The following KCNQ1 variants were observed in gnomAD, a reference collection of about 807,000 sequenced individuals.
KCNQ1 encodes potassium voltage-gated channel subfamily KQT member 1.
A neutral mutation model predicts 72.4 loss-of-function variants in KCNQ1; 49 were observed. The observed-to-expected ratio is 0.68, with a 90% CI of 0.54 to 0.86. The LOEUF (loss-of-function observed/expected upper bound fraction) is 0.86, where lower values mean the gene tolerates loss of function less well. KCNQ1 is among the 40% of genes least tolerant of loss of function. KCNQ1 has a pLI of 0.00. For missense variants in KCNQ1, 790 were observed against 945.1 expected (o/e 0.84, Z 2.15); for synonymous variants, 450 against 412.6 (o/e 1.09, Z -1.10).
In KCNQ1 at chr11:2,663,615, A is replaced by G; in HGVS notation, c.1514+1534A>G. ...CTCACCTTGGTTCTCTTGGTCACGG[A>G]CCAGCATCCAGACATGCAAAAAGTC... On this transcript the variant is annotated intron_variant, in intron 11 of 15. Transcript: ENST00000155840. The surrounding 1 kb of genome is among the most constrained non-coding windows in gnomAD (Gnocchi z 5.2). The G allele has an allele frequency of 2.5e-6, 1 of 398,652 alleles. No homozygotes were observed. Among genetic ancestry groups the G allele is most frequent in the Non-Finnish European group, 4.4e-6 (1 of 226,092 alleles). 24.7% of individuals were successfully genotyped at this position (398,652 alleles called of 1,614,324 possible).
Position 2,828,120 on chromosome 11 carries a change from G to A in KCNQ1, c.1795-19647G>A, listed in dbSNP as rs1847875717. On this transcript the variant is annotated intron_variant, in intron 15 of 15. Transcript: ENST00000155840. The surrounding 1 kb of genome is among the most constrained non-coding windows in gnomAD (Gnocchi z 5.3). ...GAAGGGGCCACAGCCGGGACTCAGA[G>A]GAGGCAGCCACGTGCAGAAAGGCAC... Among the ~76,000 whole-genome samples the A allele has an allele frequency of 1.3e-5, 2 of 152,352 alleles. No individual in the cohort carries two copies. The highest frequency in any genetic ancestry group is 6.8e-3 in the Middle Eastern group (2 of 294).
chr11:2,822,867 A>G (rs777926673), intron 15 of KCNQ1, among the ~76,000 whole-genome samples: 4 of 152,230 alleles, frequency 2.6e-5, no homozygotes, highest in Non-Finnish European at 5.9e-5. Flanking sequence ...GACATTGTGA[A>G]AAAGAAACAA....
At chr11:2,836,357 C>T (rs895372525) in intron 15 of KCNQ1, among the ~76,000 whole-genome samples, 1 of 152,164 alleles carries the variant, frequency 6.6e-6, no homozygotes, top group African/African-American at 2.4e-5. Context: ...GTCCATCCGT[C>T]TGTCTGTGGG....
intron 1 of KCNQ1, among the ~76,000 whole-genome samples, chr11:2,470,073 G>A (rs539762347): frequency 6.6e-6 from 1 of 152,270 alleles, no homozygotes; most frequent in East Asian, 1.9e-4. Flanking sequence ...CCATCCTCCC[G>A]TCTCAGCCTC....
At chr11:2,591,165 C>T (rs190497845) in intron 10 of KCNQ1, among the ~76,000 whole-genome samples, 12 of 152,376 alleles carry the variant, frequency 7.9e-5, no homozygotes, top group African/African-American at 2.9e-4. Flanking sequence ...TGTTCGCAAC[C>T]CTTTGTGCTC....
chr11:2,524,564 C>G (rs1194378622), intron 1 of KCNQ1, among the ~76,000 whole-genome samples: 2 of 152,170 alleles, frequency 1.3e-5, no homozygotes, highest in African/African-American at 2.4e-5. Context: ...GCCTGCAGTC[C>G]CCAGGAGCAC....
chr11:2,683,329 G>A lies in KCNQ1; in HGVS notation c.1514+21248G>A, dbSNP rs907726229. On this transcript the variant is annotated intron_variant, in intron 11 of 15. Coordinates refer to ENST00000155840, the MANE Select transcript of KCNQ1 (RefSeq NM_000218.3). This position sits in a 1 kb window ranked among gnomAD's most constrained non-coding sequence, Gnocchi z 4.7. ...GACACATAGAGGCCAGGTTTCCCCC[G>A]CTCAACACTAGGCCACTGTGCCTGC... The A allele has an allele frequency of 1.5e-5, 6 of 398,406 alleles. No individual in the cohort carries two copies. The highest frequency in any genetic ancestry group is 4.1e-5 in the African/African-American group (2 of 48,548). The allele number at this position is 398,406 out of a possible 1,614,324, so 24.7% of individuals were successfully genotyped here.
At chr11:2,838,134 G>C (rs998497197) in intron 15 of KCNQ1, among the ~76,000 whole-genome samples, 1 of 152,176 alleles carries the variant, frequency 6.6e-6, no homozygotes, top group Non-Finnish European at 1.5e-5. Context: ...TCAGGAAGGG[G>C]ACCTACTTCT....
intron 15 of KCNQ1, among the ~76,000 whole-genome samples, chr11:2,779,247 G>C (rs1846773179): frequency 6.6e-6 from 1 of 152,212 alleles, no homozygotes; most frequent in East Asian, 1.9e-4. Flanking sequence ...AAGCTCAGAG[G>C]CCCAGAAGCC....
At chr11:2,747,673 C>T (rs573694043) in intron 11 of KCNQ1, among the ~76,000 whole-genome samples, 2 of 152,306 alleles carry the variant, frequency 1.3e-5, no homozygotes, top group Admixed American at 6.5e-5. Context: ...GGGGTGGACA[C>T]GTCTGGGCAG....
intron 11 of KCNQ1, chr11:2,692,630 C>T (rs1486984029): frequency 2.5e-6 from 1 of 398,702 alleles, no homozygotes; most frequent in Non-Finnish European, 4.4e-6. Context: ...GCTGTGCTCC[C>T]AGGCCTCAGC....
chr11:2,717,573 G>A (rs555745607), intron 11 of KCNQ1, among the ~76,000 whole-genome samples: 19 of 152,320 alleles, frequency 1.2e-4, no homozygotes, highest in Admixed American at 9.1e-4. Flanking sequence ...AGGGAGAGGA[G>A]CTCCGGGAGG....
chr11:2,695,669 GA>G lies in KCNQ1; in HGVS notation c.1514+33590del. 1 of 398,606 alleles carries G rather than the reference GA, an allele frequency of 2.5e-6. No individual in the cohort carries two copies. 24.7% of individuals were successfully genotyped at this position (398,606 alleles called of 1,614,324 possible). A position where few individuals can be genotyped will look rare whatever the true frequency, so the allele number is the denominator to read the frequency against. ...GGTATAAAATATTTTATTTGAGGAA[GA>G]AGTGTTGGCCAGCTCTTCAGAACGT... On this transcript the variant is annotated intron_variant, in intron 11 of 15. Transcript: ENST00000155840. The surrounding 1 kb of genome is among the most constrained non-coding windows in gnomAD (Gnocchi z 5.2).
Position 2,682,300 on chromosome 11 carries a change from C to A in KCNQ1, c.1514+20219C>A, listed in dbSNP as rs1850411315. 5.0e-6 allele frequency: 2 copies of A among 398,504 alleles called. No individual in the cohort carries two copies. Among genetic ancestry groups the A allele is most frequent in the Admixed American group, 8.8e-5 (2 of 22,712 alleles). The allele number at this position is 398,504 out of a possible 1,614,324, so 24.7% of individuals were successfully genotyped here. A position where few individuals can be genotyped will look rare whatever the true frequency, so the allele number is the denominator to read the frequency against. ...TGGGCTGTAAAAAATCACATACCTC[C>A]CCTCCCATTCTTAATGTGTAACTGT... On this transcript the variant is annotated intron_variant, in intron 11 of 15. Transcript: ENST00000155840. The surrounding 1 kb of genome is among the most constrained non-coding windows in gnomAD (Gnocchi z 5.8).
intron 2 of KCNQ1, among the ~76,000 whole-genome samples, chr11:2,531,720 G>A (rs1239130423): frequency 6.6e-6 from 1 of 152,134 alleles, no homozygotes; most frequent in South Asian, 2.1e-4. Flanking sequence ...CCCCCTTGCA[G>A]TCCCCTCTGC....
intron 2 of KCNQ1, among the ~76,000 whole-genome samples, chr11:2,534,194 C>A (rs1847689777): frequency 6.6e-6 from 1 of 152,214 alleles, no homozygotes; most frequent in African/African-American, 2.4e-5. Context: ...CCCTGGGCGG[C>A]CCTCTCTGTG....
At chr11:2,634,609 T>C (rs1849424736) in intron 10 of KCNQ1, 1 of 152,200 alleles carries the variant, frequency 6.6e-6, no homozygotes, top group African/African-American at 2.4e-5. Flanking sequence ...TTCCAAGTCT[T>C]TGCTATCGTG....
chr11:2,584,718 TTG>T (rs147352462), intron 7 of KCNQ1, among the ~76,000 whole-genome samples: 41 of 151,842 alleles, frequency 2.7e-4, no homozygotes, highest in Middle Eastern at 3.4e-3. Flanking sequence ...TGCATATCTA[TTG>T]TGTGTGTGTG....
At chr11:2,845,683 A>T (rs970209809) in intron 15 of KCNQ1, among the ~76,000 whole-genome samples, 2 of 152,182 alleles carry the variant, frequency 1.3e-5, no homozygotes, top group African/African-American at 2.4e-5. Flanking sequence ...CCTGCAAGGC[A>T]GAACCACAGG....
Sources: gnomAD v4.1 joint callset for allele counts (sites outside exome capture counted in the v4.1 genomes callset) on GRCh38, gnomAD v4.1.1 for gene constraint, Gnocchi (gnomAD v3.1) non-coding constraint, MANE v1.5 for transcripts, NCBI Gene and HGNC (gene_info 2026-07-23, HGNC 2026-07-21) for gene names.